ALK: variants seen among roughly 807,000 people sequenced by gnomAD.
ALK encodes the protein ALK receptor tyrosine kinase.
A neutral mutation model predicts 163.1 loss-of-function variants in ALK; 74 were observed. That is an observed-to-expected ratio of 0.45 (90% CI 0.38 to 0.55). ALK has a LOEUF of 0.55. Ranked by LOEUF, ALK falls within the 20% of genes least tolerant of loss-of-function variation. ALK has a pLI of 0.00. For synonymous variants in ALK, 960 were observed against 843.2 expected (o/e 1.14, Z -2.40); for missense variants, 2,063 against 2,105.3 (o/e 0.98, Z 0.39).
intron 1 of ALK, among the ~76,000 whole-genome samples, chr2:29,879,996 A>G (rs957710470): frequency 1.2e-4 from 18 of 152,180 alleles, no homozygotes; most frequent in Non-Finnish European, 2.2e-4. Context: ...CCAACTGCCA[A>G]TGTCCCATGG....
chr2:29,363,732 C>G (rs1668435274), intron 5 of ALK, among the ~76,000 whole-genome samples: 1 of 152,204 alleles, frequency 6.6e-6, no homozygotes, highest in Non-Finnish European at 1.5e-5. Flanking sequence ...TCATCATTCT[C>G]ACCTCTGAAA....
chr2:29,734,358 T>A lies in ALK; in HGVS notation c.668-16661A>T, dbSNP rs141287862. On this transcript the variant is annotated intron_variant, in intron 1 of 28. Transcript: ENST00000389048. ...CTAACGTTTTCAGATTTTTTTAACATGAAAAAAAGATAAAGCTCGGGGACC... is the reference window on the plus strand; with the variant it reads ...CTAACGTTTTCAGATTTTTTTAACAAGAAAAAAAGATAAAGCTCGGGGACC... Among the ~76,000 whole-genome samples, 51 of 152,166 alleles carry A rather than the reference T, an allele frequency of 3.4e-4. 1 individual carries two copies. The highest frequency in any genetic ancestry group is 1.2e-3 in the African/African-American group (51 of 41,514).
intron 1 of ALK, among the ~76,000 whole-genome samples, chr2:29,915,854 T>C (rs1453877083): frequency 6.6e-6 from 1 of 152,186 alleles, no homozygotes; most frequent in Non-Finnish European, 1.5e-5. Flanking sequence ...GATATACAGA[T>C]CGCACCCCAG....
intron 1 of ALK, among the ~76,000 whole-genome samples, chr2:29,911,251 C>A (rs926047897): frequency 6.6e-6 from 1 of 152,176 alleles, no homozygotes; most frequent in Non-Finnish European, 1.5e-5. Flanking sequence ...AGAGGAAAAT[C>A]TACATTTACT....
Position 29,214,067 on chromosome 2 carries a change from G to A in ALK, c.3660C>T (p.Ser1220=), listed in dbSNP as rs202010057. ...ETRPRPSQPS[S]LAMLDLLHVA... is the part of the protein sequence containing the mutation. ...CGTGCAGAAGGTCCAGCATGGCCAGGGAGGAGGGCTGGCTCTGTGGGGAGA... is the reference window on the plus strand; with the variant it reads ...CGTGCAGAAGGTCCAGCATGGCCAGAGAGGAGGGCTGGCTCTGTGGGGAGA... Residue 1220 remains serine (S), a synonymous_variant, in exon 24 of 29, where the codon TCC becomes TCT. Coordinates refer to ENST00000389048, the MANE Select transcript of ALK (RefSeq NM_004304.5). 6.2e-7 allele frequency: 1 copy of A among 1,614,064 alleles called. No homozygotes were observed.
intron 11 of ALK, among the ~76,000 whole-genome samples, chr2:29,256,549 A>G (rs1300660091): frequency 1.3e-5 from 2 of 151,650 alleles, no homozygotes; most frequent in African/African-American, 2.4e-5. Context: ...TCTGAGTCCA[A>G]GTTCAAGGCT....
intron 2 of ALK, among the ~76,000 whole-genome samples, chr2:29,705,409 T>C (rs1678879832): frequency 6.6e-6 from 1 of 151,204 alleles, no homozygotes. Flanking sequence ...CACAGCACTG[T>C]GTCTTCCTCT....
At chr2:29,521,741 T>A (rs1672817883) in intron 4 of ALK, among the ~76,000 whole-genome samples, 2 of 152,206 alleles carry the variant, frequency 1.3e-5, no homozygotes, top group South Asian at 4.1e-4. Context: ...GGCCATCAGC[T>A]CCAGTTGCCT....
chr2:29,219,877 T>C (rs886567221), intron 23 of ALK, among the ~76,000 whole-genome samples: 22 of 152,320 alleles, frequency 1.4e-4, no homozygotes, highest in African/African-American at 5.3e-4. Context: ...AACCATAAGA[T>C]GTGTGTAGCA....
chr2:29,565,127 T>C (rs1311026620), intron 3 of ALK, among the ~76,000 whole-genome samples: 1 of 152,236 alleles, frequency 6.6e-6, no homozygotes, highest in Non-Finnish European at 1.5e-5. Context: ...CGTGATATGG[T>C]GCCCTTTGGG....
chr2:29,668,228 T>G (rs919412861), intron 3 of ALK, among the ~76,000 whole-genome samples: 1 of 152,000 alleles, frequency 6.6e-6, no homozygotes, highest in Admixed American at 6.6e-5. Flanking sequence ...AAAATAACTT[T>G]TTGTTTTGCT....
chr2:29,280,456 C>CG (rs1665683409), intron 9 of ALK, among the ~76,000 whole-genome samples: 1 of 143,950 alleles, frequency 6.9e-6, no homozygotes, highest in Admixed American at 6.9e-5. Context: ...ACTCTGGGAC[C>CG]GGGGGTTAGT....
At chr2:29,525,215 G>T (rs1044654249) in intron 4 of ALK, among the ~76,000 whole-genome samples, 1 of 152,172 alleles carries the variant, frequency 6.6e-6, no homozygotes, top group African/African-American at 2.4e-5. Context: ...GGCCAGGGTT[G>T]GAAACCTTGT....
At chr2:29,874,677 A>C (rs1666659542) in intron 1 of ALK, among the ~76,000 whole-genome samples, 1 of 152,232 alleles carries the variant, frequency 6.6e-6, no homozygotes, top group Non-Finnish European at 1.5e-5. Context: ...ACATGGGAAA[A>C]TCATTTTCAG....
intron 4 of ALK, among the ~76,000 whole-genome samples, chr2:29,528,824 C>A (rs1176733616): frequency 6.6e-6 from 1 of 152,144 alleles, no homozygotes; most frequent in African/African-American, 2.4e-5. Flanking sequence ...ATGTCCTATG[C>A]CTATGTGACT....
chr2:29,440,242 A>G (rs1670503067), intron 4 of ALK, among the ~76,000 whole-genome samples: 1 of 151,992 alleles, frequency 6.6e-6, no homozygotes, highest in South Asian at 2.1e-4. Context: ...TCAAAAACAA[A>G]AACAAAAAAA....
chr2:29,623,187 C>A (rs1676084958), intron 3 of ALK, among the ~76,000 whole-genome samples: 1 of 151,822 alleles, frequency 6.6e-6, no homozygotes, highest in Non-Finnish European at 1.5e-5. Context: ...CAACTTTGAC[C>A]CTGGCACTCC....
chr2:29,497,279 GA>G (rs373042682), intron 4 of ALK, among the ~76,000 whole-genome samples: 112 of 148,004 alleles, frequency 7.6e-4, no homozygotes, highest in African/African-American at 1.4e-3. Flanking sequence ...TCTCAAAAAA[GA>G]AAAAAAAAAA....
intron 1 of ALK, among the ~76,000 whole-genome samples, chr2:29,799,779 T>C (rs1664416353): frequency 6.6e-6 from 1 of 152,182 alleles, no homozygotes; most frequent in Non-Finnish European, 1.5e-5. Flanking sequence ...AAAATCATCA[T>C]AAAGACCTCA....
Sources: gnomAD v4.1 joint callset for allele counts (sites outside exome capture counted in the v4.1 genomes callset) on GRCh38, gnomAD v4.1.1 for gene constraint, MANE v1.5 for transcripts, NCBI Gene and HGNC (gene_info 2026-07-23, HGNC 2026-07-21) for gene names.